Variants in PSMB4 observed in about 807,000 individuals in gnomAD.
PSMB4 encodes the protein proteasome subunit beta type-4.
Under a neutral mutation model 35.2 loss-of-function variants are expected in PSMB4, and 16 were observed. The observed-to-expected ratio is 0.45, with a 90% confidence interval of 0.31 to 0.69. The LOEUF (loss-of-function observed/expected upper bound fraction) is 0.69. PSMB4 is among the 30% of genes least tolerant of loss of function. The pLI is 0.06. For synonymous variants in PSMB4, 144 were observed against 134.1 expected (o/e 1.07, Z -0.51); for missense variants, 333 against 351.8 (o/e 0.95, Z 0.43).
rs758828536 is a variant in PSMB4 at position 151,399,672 on chromosome 1, G to A, written c.85G>A (p.Asp29Asn). The A allele has an allele frequency of 6.2e-7, 1 of 1,614,084 alleles. No homozygotes were observed. Among genetic ancestry groups the A allele is most frequent in the Non-Finnish European group, 8.5e-7 (1 of 1,180,018 alleles). Residue 29 changes from aspartate (D) to asparagine (N), a missense_variant, in exon 1 of 7, where the codon GAT becomes AAT. Physicochemically the swap from Asp to Asn is conservative, Grantham distance 23. Transcript: ENST00000290541. ...GQFYRIPSTPDSFMDPASALY... is the reference protein window; with the variant it reads ...GQFYRIPSTPNSFMDPASALY... ...GTTTTACCGCATTCCGTCCACTCCCGATTCCTTCATGGATCCGGCGTCTGC... is the reference window on the plus strand; with the variant it reads ...GTTTTACCGCATTCCGTCCACTCCCAATTCCTTCATGGATCCGGCGTCTGC...
In PSMB4 at chr1:151,401,896, A is replaced by G; in HGVS notation, c.*67A>G. On this transcript the variant is annotated 3_prime_UTR_variant, in exon 7 of 7. Coordinates refer to ENST00000290541, the MANE Select transcript of PSMB4 (RefSeq NM_002796.3). ...AACTTTGAACTTGGCTAGTTCAAAG[A>G]TAGACTCTTCTTTTGTAAAGTAAAT... The G allele has an allele frequency of 7.0e-7, 1 of 1,428,844 alleles. No homozygotes were observed. The highest frequency in any genetic ancestry group is 1.7e-5 in the Admixed American group (1 of 57,656). The allele number at this position is 1,428,844 out of a possible 1,614,324, so 88.5% of individuals were successfully genotyped here.
Position 151,401,278 on chromosome 1 carries a change from A to G in PSMB4, c.616A>G (p.Ser206Gly), listed in dbSNP as rs1251817715. 3 of 1,614,006 alleles carry G rather than the reference A, an allele frequency of 1.9e-6. No individual in the cohort carries two copies. The highest frequency in any genetic ancestry group is 2.7e-5 in the African/African-American group (2 of 74,900). The change falls in exon 5 of 7, where the codon AGC becomes GGC. Residue 206 changes from serine (S) to glycine (G), a missense_variant. Ser to Gly is a moderately conservative substitution (Grantham distance 56). Transcript: ENST00000290541. ...REVLEKQPVLSQTEARDLVER... is the reference protein window; with the variant it reads ...REVLEKQPVLGQTEARDLVER... ...AGTTCTGGAGAAGCAGCCAGTGCTA[A>G]GCCAGACCGAGGCCCGCGACTTAGT...
At chr1:151,401,129 A>G in intron 4 of PSMB4, 110 bp from the exon 5 acceptor site, 1 of 980,058 alleles carries the variant, frequency 1.0e-6, no homozygotes, top group Non-Finnish European at 1.6e-6. Flanking sequence ...TGGTGAGGCA[A>G]GAAGTAGAAT....
chr1:151,399,683 G>T lies in PSMB4; in HGVS notation c.96G>T (p.Met32Ile). ...YRIPSTPDSF[M>I]DPASALYRGP... ...TTCCGTCCACTCCCGATTCCTTCATGGATCCGGCGTCTGCACTTTACAGAG... is the reference window on the plus strand; with the variant it reads ...TTCCGTCCACTCCCGATTCCTTCATTGATCCGGCGTCTGCACTTTACAGAG... Residue 32 changes from methionine to isoleucine, a missense_variant, in exon 1 of 7, where the codon ATG (methionine) becomes ATT (isoleucine). Transcript: ENST00000290541. 1 of 1,614,144 alleles carries T rather than the reference G, an allele frequency of 6.2e-7. No homozygotes were observed. Among genetic ancestry groups the T allele is most frequent in the Non-Finnish European group, 8.5e-7 (1 of 1,180,036 alleles).
Position 151,400,431 on chromosome 1 carries a change from T to C in PSMB4, c.348-11T>C, listed in dbSNP as rs923115397. 1.5e-5 allele frequency: 24 copies of C among 1,611,292 alleles called. No homozygotes were observed. The highest frequency in any genetic ancestry group is 2.0e-5 in the Non-Finnish European group (24 of 1,179,038). On this transcript the variant is annotated splice_polypyrimidine_tract_variant and intron_variant, in intron 2 of 6. Coordinates refer to ENST00000290541, the MANE Select transcript of PSMB4 (RefSeq NM_002796.3). ...ATTCTCTCCCTTTTCTCACAACCAA[T>C]TCCTTTTAAGGATTGATGAGGAGCT... is the stretch of plus-strand genomic sequence containing the variant.
chr1:151,401,863 CTACTTTT>C lies in PSMB4; in HGVS notation c.*35_*41del, dbSNP rs1652857915. On this transcript the variant is annotated 3_prime_UTR_variant, in exon 7 of 7. Transcript: ENST00000290541. ...TGCATTATCCAGAACTGAAGTTGCC[CTACTTTT>C]AACTTTGAACTTGGCTAGTTCAAAG... 3.8e-6 allele frequency: 6 copies of C among 1,592,230 alleles called. No individual in the cohort carries two copies. Among genetic ancestry groups the C allele is most frequent in the Non-Finnish European group, 5.2e-6 (6 of 1,160,846 alleles).
In PSMB4 at chr1:151,399,622, G is replaced by C; in HGVS notation, c.35G>C (p.Trp12Ser). ...TTTTTGGGGTCGCGGTCCGGACTTT[G>C]GGCGGGGGGTCCGGCCCCAGGACAG... The part of the protein sequence containing the change: ...EAFLGSRSGL[W>S]AGGPAPGQFY... Residue 12 changes from tryptophan (W) to serine (S), a missense_variant, in exon 1 of 7, where the codon TGG becomes TCG. Trp to Ser is a radical substitution (Grantham distance 177). Transcript: ENST00000290541. The C allele has an allele frequency of 6.2e-7, 1 of 1,614,024 alleles. No individual in the cohort carries two copies. Among genetic ancestry groups the C allele is most frequent in the Non-Finnish European group, 8.5e-7 (1 of 1,179,972 alleles).
intron 4 of PSMB4, 94 bp from the exon 5 acceptor site, chr1:151,401,145 C>A: frequency 9.3e-7 from 1 of 1,075,968 alleles, no homozygotes; most frequent in Non-Finnish European, 1.4e-6. Flanking sequence ...AGAATGTCAT[C>A]TTTCACTCTA....
chr1:151,399,934 G>A (rs1652756732), intron 1 of PSMB4, 47 bp from the exon 2 acceptor site: 2 of 1,577,946 alleles, frequency 1.3e-6, no homozygotes, highest in Non-Finnish European at 1.7e-6. Context: ...GCGGAAAGAG[G>A]GCGCAGTCCA....
chr1:151,401,770 G>A, intron 6 of PSMB4, 47 bp from the exon 7 acceptor site: 1 of 1,589,978 alleles, frequency 6.3e-7, no homozygotes, highest in Non-Finnish European at 8.6e-7. Flanking sequence ...TTTAGGAATT[G>A]ATCCCTTTAT....
Position 151,400,090 on chromosome 1 carries a change from A to G in PSMB4, c.250A>G (p.Ile84Val), listed in dbSNP as rs1553209137. The change falls in exon 2 of 7, where the codon ATC (isoleucine) becomes GTC (valine). Residue 84 changes from isoleucine to valine, a missense_variant. By Grantham distance (29) the Ile-to-Val change is conservative. Coordinates refer to ENST00000290541, the MANE Select transcript of PSMB4 (RefSeq NM_002796.3). ...SYGSLARFRN[I>V]SRIMRVNNST... The stretch of plus-strand genomic sequence containing the variant: ...CGGCTCCTTGGCTCGTTTCCGCAAC[A>G]TCTCTCGCATTATGCGAGTCAACAA... 3.7e-6 allele frequency: 6 copies of G among 1,614,122 alleles called. No individual in the cohort carries two copies.
In PSMB4 at chr1:151,399,595, C is replaced by G; in HGVS notation, c.8C>G (p.Ala3Gly). The change falls in exon 1 of 7, where the codon GCG becomes GGG. Residue 3 changes from alanine (A) to glycine (G), a missense_variant. Physicochemically the swap from Ala to Gly is moderately conservative, Grantham distance 60. Coordinates refer to ENST00000290541, the MANE Select transcript of PSMB4 (RefSeq NM_002796.3). ME[A>G]FLGSRSGLWA... ...TCTGCTACCGTGACTAAGATGGAAGCGTTTTTGGGGTCGCGGTCCGGACTT... is the reference window on the plus strand; with the variant it reads ...TCTGCTACCGTGACTAAGATGGAAGGGTTTTTGGGGTCGCGGTCCGGACTT... 1 of 1,610,580 alleles carries G rather than the reference C, an allele frequency of 6.2e-7. No individual in the cohort carries two copies. The highest frequency in any genetic ancestry group is 1.3e-5 in the African/African-American group (1 of 74,746).
chr1:151,401,046 C>T (rs1652805744), intron 4 of PSMB4, 193 bp from the exon 5 acceptor site: 2 of 758,572 alleles, frequency 2.6e-6, no homozygotes, highest in Admixed American at 2.1e-5. Flanking sequence ...AGTCAGTAGA[C>T]ATGCAAAGAG....
In PSMB4 at chr1:151,399,758, G is replaced by A. The variant is rs200951704; in HGVS notation, c.140+31G>A. The A allele has an allele frequency of 8.7e-6, 14 of 1,613,400 alleles. No individual in the cohort carries two copies. The East Asian group carries it at 3.1e-4, about 36-fold the overall frequency. Reference sequence around the variant, plus strand: ...TTCTCGGCGCTTTCGTTTGCGTAGCGGGAGGGACCGTGGGGCCTGGTGCTG... The same window carrying A: ...TTCTCGGCGCTTTCGTTTGCGTAGCAGGAGGGACCGTGGGGCCTGGTGCTG... On this transcript the variant is annotated intron_variant, in intron 1 of 6. Coordinates refer to ENST00000290541, the MANE Select transcript of PSMB4 (RefSeq NM_002796.3).
In PSMB4 at chr1:151,400,104, G is replaced by A. The variant is rs764111801; in HGVS notation, c.264G>A (p.Met88Ile). 1 of 1,614,144 alleles carries A rather than the reference G, an allele frequency of 6.2e-7. No homozygotes were observed. The highest frequency in any genetic ancestry group is 1.1e-5 in the South Asian group (1 of 91,084). The change falls in exon 2 of 7, where the codon ATG (methionine) becomes ATA (isoleucine). Residue 88 changes from methionine to isoleucine, a missense_variant. Transcript: ENST00000290541. ...GTTTCCGCAACATCTCTCGCATTAT[G>A]CGAGTCAACAACAGTACCATGCTGG... ...LARFRNISRI[M>I]RVNNSTMLGA...
Position 151,401,554 on chromosome 1 carries a change from A to C in PSMB4, c.706A>C (p.Thr236Pro). 1 of 1,611,418 alleles carries C rather than the reference A, an allele frequency of 6.2e-7. No homozygotes were observed. ...ARSYNRFQIA[T>P]VTEKGVEIEG... ...TGCTTTCTTCCAGTTTCAAATCGCC[A>C]CTGTCACCGAAAAAGGTGTTGAAAT... Residue 236 changes from threonine to proline, a missense_variant, in exon 6 of 7, where the codon ACT becomes CCT. Transcript: ENST00000290541.
In PSMB4 at chr1:151,401,455, T is replaced by A. The variant is rs1652831022; in HGVS notation, c.694-87T>A. 3 of 1,517,660 alleles carry A rather than the reference T, an allele frequency of 2.0e-6. No individual in the cohort carries two copies. In the Admixed American group the frequency reaches 5.0e-5, roughly 25 times the overall value. The allele number at this position is 1,517,660 out of a possible 1,614,324, so 94.0% of individuals were successfully genotyped here. On this transcript the variant is annotated intron_variant, in intron 5 of 6. Transcript: ENST00000290541. Reference sequence around the variant, plus strand: ...CAGATTGCCTTACTTGTGTGACTCCTATTTTCACATTGGGGAAGACCTCCA... The same window carrying A: ...CAGATTGCCTTACTTGTGTGACTCCAATTTTCACATTGGGGAAGACCTCCA...
At chr1:151,400,647 A>T in intron 3 of PSMB4, 59 bp downstream of exon 3, 5 of 1,612,554 alleles carry the variant, frequency 3.1e-6, no homozygotes, top group Non-Finnish European at 3.4e-6. Flanking sequence ...CCTGTGTAGT[A>T]TCTCTTCTGT....
At position 151,401,547 on chromosome 1, in the gene PSMB4, A is replaced by G. The variant is rs957838632; in HGVS notation, c.699A>G (p.Gln233=). ...YRDARSYNRF[Q]IATVTEKGVE... The stretch of plus-strand genomic sequence containing the variant: ...AATGCTCTGCTTTCTTCCAGTTTCA[A>G]ATCGCCACTGTCACCGAAAAAGGTG... The change falls in exon 6 of 7, where the codon CAA becomes CAG. Residue 233 remains glutamine (Q), a synonymous_variant. Transcript: ENST00000290541. The G allele has an allele frequency of 3.7e-6, 6 of 1,610,398 alleles. No homozygotes were observed. Among genetic ancestry groups the G allele is most frequent in the Non-Finnish European group, 5.1e-6 (6 of 1,176,668 alleles).
Sources: gnomAD v4.1 joint callset for allele counts on GRCh38, gnomAD v4.1.1 for gene constraint, MANE v1.5 for transcripts, NCBI Gene and HGNC (gene_info 2026-07-23, HGNC 2026-07-21) for gene names.